BICC1: variants seen among roughly 807,000 people sequenced by gnomAD.
BICC1 encodes the protein BicC family RNA binding protein 1.
BICC1 carries 43 observed loss-of-function variants against 111.0 expected under a neutral mutation model. That is an observed-to-expected ratio of 0.39 (90% CI 0.30 to 0.50). The LOEUF is 0.50. BICC1 is among the 20% of genes least tolerant of loss of function. The pLI, the probability that BICC1 is intolerant of heterozygous loss-of-function variation, is 0.88. For missense variants in BICC1, 1,091 were observed against 1,203.2 expected (o/e 0.91, Z 1.38); for synonymous variants, 467 against 434.4 (o/e 1.07, Z -0.93).
intron 2 of BICC1, among the ~76,000 whole-genome samples, chr10:58,673,786 CTT>C (rs5785337): frequency 4.3e-5 from 6 of 138,286 alleles, no homozygotes; most frequent in Admixed American, 1.5e-4. Flanking sequence ...CCACGCCCAG[CTT>C]TTTTTTTTTT....
At chr10:58,747,209 C>T (rs1160145235) in intron 3 of BICC1, among the ~76,000 whole-genome samples, 2 of 152,092 alleles carry the variant, frequency 1.3e-5, no homozygotes, top group African/African-American at 4.8e-5. Context: ...GCTTCAGCTC[C>T]AGGGTGCCAG....
chr10:58,589,123 C>T (rs190722743), intron 1 of BICC1, among the ~76,000 whole-genome samples: 335 of 152,254 alleles, frequency 2.2e-3, no homozygotes, highest in Middle Eastern at 0.014. Context: ...CTGCAGTCTC[C>T]GAGAGTTCCC....
At chr10:58,688,620 G>A (rs576624425) in intron 2 of BICC1, among the ~76,000 whole-genome samples, 1 of 152,276 alleles carries the variant, frequency 6.6e-6, no homozygotes, top group East Asian at 1.9e-4. Flanking sequence ...GCAAAGACTT[G>A]TAACCACCCG....
intron 1 of BICC1, among the ~76,000 whole-genome samples, chr10:58,584,526 T>G (rs568820431): frequency 6.6e-5 from 10 of 152,346 alleles, no homozygotes; most frequent in African/African-American, 2.2e-4. Context: ...TTTCAGGATA[T>G]GAGGATCATG....
intron 3 of BICC1, chr10:58,715,588 A>T: frequency 6.2e-7 from 1 of 1,602,262 alleles, no homozygotes; most frequent in Non-Finnish European, 8.5e-7. Context: ...GCCTATATGC[A>T]CCCAATAGCA....
chr10:58,580,260 G>A (rs1381681583), intron 1 of BICC1, among the ~76,000 whole-genome samples: 1 of 152,080 alleles, frequency 6.6e-6, no homozygotes, highest in Non-Finnish European at 1.5e-5. Context: ...CTGTCCTCAA[G>A]TGATCTGCCC....
At chr10:58,803,505 T>G (rs1257648311) in intron 15 of BICC1, among the ~76,000 whole-genome samples, 1 of 152,192 alleles carries the variant, frequency 6.6e-6, no homozygotes, top group African/African-American at 2.4e-5. Flanking sequence ...GCAAATAACA[T>G]TATTCATGTG....
At chr10:58,635,526 A>G (rs1300725448) in intron 2 of BICC1, among the ~76,000 whole-genome samples, 1 of 152,250 alleles carries the variant, frequency 6.6e-6, no homozygotes, top group Non-Finnish European at 1.5e-5. Context: ...GAGCCTTATC[A>G]GAAGGGTGAG....
chr10:58,536,051 C>T (rs945159120), intron 1 of BICC1, among the ~76,000 whole-genome samples: 3 of 151,160 alleles, frequency 2.0e-5, no homozygotes, highest in African/African-American at 2.4e-5. Flanking sequence ...ATATATGCAC[C>T]TAACTCCAGA....
chr10:58,752,472 G>A (rs1489319870), intron 3 of BICC1, among the ~76,000 whole-genome samples: 1 of 152,128 alleles, frequency 6.6e-6, no homozygotes, highest in African/African-American at 2.4e-5. Context: ...ATCAGAACCT[G>A]GGTTAGCAGC....
At chr10:58,565,754 T>A (rs1353830886) in intron 1 of BICC1, among the ~76,000 whole-genome samples, 1 of 152,144 alleles carries the variant, frequency 6.6e-6, no homozygotes, top group Admixed American at 6.5e-5. Context: ...GGTTGCAGGG[T>A]AAGGCTGGCC....
rs574373609 is a variant in BICC1, at chr10:58,523,827, C to G, written c.190+10494C>G. Among the ~76,000 whole-genome samples the G allele has an allele frequency of 4.6e-5, 7 of 152,250 alleles. No homozygotes were observed. In the East Asian group the frequency reaches 1.4e-3, roughly 29 times the overall value. On this transcript the variant is annotated intron_variant, in intron 1 of 20. Coordinates refer to ENST00000373886, the MANE Select transcript of BICC1 (RefSeq NM_001080512.3). ...ACCCCATCGTCTCAGCCCAAAATCT[C>G]CTTAAGCTGATAGACAACTTCAGCA...
At chr10:58,599,652 TA>T (rs1393291732) in intron 1 of BICC1, among the ~76,000 whole-genome samples, 1 of 152,002 alleles carries the variant, frequency 6.6e-6, no homozygotes, top group African/African-American at 2.4e-5. Context: ...AGCATATTAA[TA>T]AAAAAAATTC....
chr10:58,526,392 T>C (rs1332866119), intron 1 of BICC1, among the ~76,000 whole-genome samples: 1 of 151,648 alleles, frequency 6.6e-6, no homozygotes, highest in Non-Finnish European at 1.5e-5. Flanking sequence ...TGTTTCTTTC[T>C]TTTTTTCTTA....
intron 2 of BICC1, among the ~76,000 whole-genome samples, chr10:58,698,681 T>C (rs556381851): frequency 1.3e-5 from 2 of 152,288 alleles, no homozygotes; most frequent in Admixed American, 6.5e-5. Flanking sequence ...ACAGTGCCTG[T>C]CTGACCAAAA....
At chr10:58,657,135 C>T (rs1263052110) in intron 2 of BICC1, among the ~76,000 whole-genome samples, 2 of 152,282 alleles carry the variant, frequency 1.3e-5, no homozygotes, top group African/African-American at 2.4e-5. Context: ...CCTGAATGCT[C>T]TCCTACTATC....
intron 3 of BICC1, among the ~76,000 whole-genome samples, chr10:58,707,137 A>C (rs1247428553): frequency 2.0e-5 from 3 of 152,354 alleles, no homozygotes; most frequent in African/African-American, 7.2e-5. Context: ...CAGAATCAAC[A>C]AAAGAATCTT....
chr10:58,544,193 A>C (rs1234602279), intron 1 of BICC1, among the ~76,000 whole-genome samples: 2 of 152,194 alleles, frequency 1.3e-5, no homozygotes, highest in Non-Finnish European at 2.9e-5. Context: ...GTTAAAATGC[A>C]CCCAACAGGA....
rs542670213 is a variant in BICC1, at chr10:58,780,987, A to AT, written c.308-4007dup. On this transcript the variant is annotated intron_variant, in intron 3 of 20. Coordinates refer to ENST00000373886, the MANE Select transcript of BICC1 (RefSeq NM_001080512.3). Reference sequence around the variant, plus strand: ...AGGTTTAACATTTTTAAAAAGGGGCATTTTTTTCTCTTTGGCATTATTCAC... The same window carrying AT: ...AGGTTTAACATTTTTAAAAAGGGGCATTTTTTTTCTCTTTGGCATTATTCAC... Among the ~76,000 whole-genome samples, 5 of 152,146 alleles carry AT rather than the reference A, an allele frequency of 3.3e-5. No individual in the cohort carries two copies. In the East Asian group the frequency reaches 9.7e-4, roughly 29 times the overall value.
Sources: allele counts gnomAD v4.1 joint callset (sites outside exome capture counted in the v4.1 genomes callset), GRCh38; gene constraint gnomAD v4.1.1; transcripts MANE v1.5; gene names NCBI Gene and HGNC (gene_info 2026-07-23, HGNC 2026-07-21).